The following RAPGEF5 variants were observed in gnomAD, a reference collection of about 807,000 sequenced individuals.
The protein encoded by RAPGEF5 is M-Ras-regulated GEF.
A neutral mutation model predicts 125.2 loss-of-function variants in RAPGEF5; 65 were observed. The ratio of observed to expected loss-of-function variants is 0.52; its 90% confidence interval spans 0.43 to 0.64. RAPGEF5 has a LOEUF of 0.64. Ranked by LOEUF, RAPGEF5 falls within the 30% of genes least tolerant of loss-of-function variation. The pLI is 0.00. For missense variants in RAPGEF5, 958 were observed against 1,048.1 expected (o/e 0.91, Z 1.19); for synonymous variants, 391 against 385.9 (o/e 1.01, Z -0.16).
At chr7:22,217,729 C>G (rs1785674369) in intron 9 of RAPGEF5, among the ~76,000 whole-genome samples, 1 of 152,126 alleles carries the variant, frequency 6.6e-6, no homozygotes, top group Non-Finnish European at 1.5e-5. Context: ...AGTCATAATT[C>G]CAATGTTTAT....
chr7:22,287,025 A>G (rs1270766431), intron 6 of RAPGEF5, among the ~76,000 whole-genome samples: 2 of 152,240 alleles, frequency 1.3e-5, no homozygotes, highest in Non-Finnish European at 2.9e-5. Context: ...GGCTAAGCTG[A>G]TAAGTTAGAA....
chr7:22,353,680 T>C (rs917885981), intron 1 of RAPGEF5, among the ~76,000 whole-genome samples: 12 of 152,192 alleles, frequency 7.9e-5, no homozygotes, highest in African/African-American at 2.9e-4. Context: ...TGCTACTGAT[T>C]TTTAAGAGGT....
chr7:22,132,386 T>A (rs1424058490), intron 23 of RAPGEF5, among the ~76,000 whole-genome samples: 4 of 152,144 alleles, frequency 2.6e-5, no homozygotes, highest in Non-Finnish European at 5.9e-5. Context: ...CTCTTTTTTT[T>A]TTTTTGCTTG....
chr7:22,233,436 AAAC>A (rs1002452916), intron 7 of RAPGEF5, among the ~76,000 whole-genome samples: 50 of 152,242 alleles, frequency 3.3e-4, no homozygotes, highest in African/African-American at 1.2e-3. Flanking sequence ...TTTGGTTTTA[AAAC>A]AACAATGCTG....
At chr7:22,187,883 G>A (rs558303897) in intron 11 of RAPGEF5, among the ~76,000 whole-genome samples, 27 of 152,264 alleles carry the variant, frequency 1.8e-4, no homozygotes, top group African/African-American at 1.9e-4. Flanking sequence ...ACTTGGCTGC[G>A]GATTGCATCA....
At position 22,345,769 on chromosome 7, in the gene RAPGEF5, C is replaced by A. The variant is rs182358172; in HGVS notation, c.231+11061G>T. The stretch of plus-strand genomic sequence containing the variant: ...GGGAAATTTGAATGCTTAAACAGTA[C>A]CCAAAAGAAGAGAAAACCACCTGGT... On this transcript the variant is annotated intron_variant, in intron 1 of 25. Coordinates refer to ENST00000665637, the MANE Select transcript of RAPGEF5 (RefSeq NM_012294.5). Among the ~76,000 whole-genome samples, 479 of 148,198 alleles carry A rather than the reference C, an allele frequency of 3.2e-3. 3 individuals are homozygous for A. The highest frequency in any genetic ancestry group is 0.012 in the African/African-American group (468 of 40,012).
intron 8 of RAPGEF5, among the ~76,000 whole-genome samples, chr7:22,225,729 A>G (rs1785901740): frequency 6.6e-6 from 1 of 152,234 alleles, no homozygotes; most frequent in South Asian, 2.1e-4. Context: ...TCTGTGTAAA[A>G]TTAATTATAA....
At chr7:22,189,836 A>G (rs1784937068) in intron 11 of RAPGEF5, among the ~76,000 whole-genome samples, 1 of 152,194 alleles carries the variant, frequency 6.6e-6, no homozygotes, top group Non-Finnish European at 1.5e-5. Context: ...GCTTGCTCTC[A>G]GGGAGTGTTA....
chr7:22,192,580 A>C (rs1220227739), intron 11 of RAPGEF5: 2 of 152,256 alleles, frequency 1.3e-5, no homozygotes, highest in African/African-American at 2.4e-5. Flanking sequence ...AATGCAGGCT[A>C]CAGTCAGAGG....
chr7:22,143,146 G>T (rs773270434), intron 20 of RAPGEF5, among the ~76,000 whole-genome samples: 1 of 152,092 alleles, frequency 6.6e-6, no homozygotes, highest in Non-Finnish European at 1.5e-5. Flanking sequence ...ACCCAAAAGA[G>T]CCTCACCTTT....
At chr7:22,177,850 C>T (rs1045096540) in intron 11 of RAPGEF5, among the ~76,000 whole-genome samples, 6 of 151,992 alleles carry the variant, frequency 3.9e-5, no homozygotes, top group African/African-American at 7.3e-5. Context: ...ATAACCCATC[C>T]GGTTTAGGGG....
chr7:22,350,720 A>T (rs1404300058), intron 1 of RAPGEF5, among the ~76,000 whole-genome samples: 3 of 152,220 alleles, frequency 2.0e-5, no homozygotes, highest in Admixed American at 2.0e-4. Context: ...AGTAAATAAA[A>T]TATTAACTTG....
intron 1 of RAPGEF5, among the ~76,000 whole-genome samples, chr7:22,329,823 C>T (rs530759365): frequency 6.6e-6 from 1 of 152,266 alleles, no homozygotes; most frequent in Non-Finnish European, 1.5e-5. Flanking sequence ...ACTCAGGGGG[C>T]CACAGGCAGG....
At chr7:22,150,332 C>G in intron 18 of RAPGEF5, 75 bp downstream of exon 18, 2 of 1,467,096 alleles carry the variant, frequency 1.4e-6, no homozygotes, top group Non-Finnish European at 1.8e-6. Context: ...CTTGGCCTCC[C>G]AAAGTGCTCA....
intron 9 of RAPGEF5, among the ~76,000 whole-genome samples, chr7:22,206,255 T>C (rs986924541): frequency 1.3e-5 from 2 of 152,104 alleles, no homozygotes; most frequent in Non-Finnish European, 2.9e-5. Context: ...ACTTGGGAGG[T>C]AGTTTGTTCA....
chr7:22,229,161 C>T (rs756176299), intron 8 of RAPGEF5, among the ~76,000 whole-genome samples: 16 of 152,162 alleles, frequency 1.1e-4, no homozygotes, highest in Non-Finnish European at 2.1e-4. Context: ...ATGCTCTCTT[C>T]ACTCCACCCA....
chr7:22,348,691 C>T (rs1784270661), intron 1 of RAPGEF5, among the ~76,000 whole-genome samples: 1 of 152,170 alleles, frequency 6.6e-6, no homozygotes, highest in African/African-American at 2.4e-5. Flanking sequence ...GATCCCTTCT[C>T]ATGAAGACAG....
rs1783479435 is a variant in RAPGEF5 at position 22,147,439 on chromosome 7, C to CA, written c.1885-421dup. 2.0e-5 allele frequency among the ~76,000 whole-genome samples: 3 copies of CA among 152,336 alleles called. No homozygotes were observed. In the South Asian group the frequency reaches 6.2e-4, roughly 32 times the overall value. On this transcript the variant is annotated intron_variant, in intron 18 of 25. Transcript: ENST00000665637. ...ATGTCATGGTGCACTTCAATAAAGACAGACATGGCGTTTACAGGAAATACG... is the reference window on the plus strand; with the variant it reads ...ATGTCATGGTGCACTTCAATAAAGACAAGACATGGCGTTTACAGGAAATACG...
chr7:22,270,990 T>C (rs542938534), intron 6 of RAPGEF5, among the ~76,000 whole-genome samples: 81 of 152,332 alleles, frequency 5.3e-4, no homozygotes, highest in African/African-American at 1.9e-3. Context: ...AATAAGGGAC[T>C]GTAAACCTCT....
Sources: allele counts gnomAD v4.1 joint callset (sites outside exome capture counted in the v4.1 genomes callset), GRCh38; gene constraint gnomAD v4.1.1; transcripts MANE v1.5; gene names NCBI Gene and HGNC (gene_info 2026-07-23, HGNC 2026-07-21).